The following CLVS1 variants were observed in gnomAD, a reference collection of about 807,000 sequenced individuals.
CLVS1 encodes clavesin-1.
In CLVS1, 10 loss-of-function variants were observed where a neutral mutation model predicts 33.1. The ratio of observed to expected loss-of-function variants is 0.30; its 90% CI spans 0.19 to 0.51. The LOEUF (loss-of-function observed/expected upper bound fraction) is 0.51. Among genes scored for constraint, CLVS1 ranks in the 20% least tolerant of loss-of-function variants. CLVS1 has a pLI of 0.97. For synonymous variants in CLVS1, 163 were observed against 166.1 expected, an observed-to-expected ratio of 0.98 and a Z score of 0.14; for missense variants, 343 against 433.4, an observed-to-expected ratio of 0.79 and a Z score of 1.85.
the CLVS1 span, among the ~76,000 whole-genome samples, chr8:60,990,474 G>C: frequency 6.6e-6 from 1 of 152,190 alleles, no homozygotes; most frequent in Admixed American, 6.5e-5. Flanking sequence ...CCCCAGGGTG[G>C]ATGGGTGGTG....
chr8:60,982,946 A>G, the CLVS1 span, among the ~76,000 whole-genome samples: 1 of 152,048 alleles, frequency 6.6e-6, no homozygotes, highest in South Asian at 2.1e-4. Flanking sequence ...TCAAAAAACA[A>G]ACAAACCCCC....
chr8:60,966,273 C>A, the CLVS1 span: 1 of 428,648 alleles, frequency 2.3e-6, no homozygotes, highest in Non-Finnish European at 4.6e-6. Context: ...AGTTGGTCAG[C>A]ATGGGTGAGC....
chr8:61,366,426 A>AT (rs1563518784), intron 2 of CLVS1, among the ~76,000 whole-genome samples: 1 of 152,148 alleles, frequency 6.6e-6, no homozygotes, highest in Admixed American at 6.6e-5. Flanking sequence ...CCTCTCCTAA[A>AT]CCAGAATCAA....
At chr8:61,323,839 T>G (rs1811282934) in intron 2 of CLVS1, among the ~76,000 whole-genome samples, 1 of 152,156 alleles carries the variant, frequency 6.6e-6, no homozygotes, top group Non-Finnish European at 1.5e-5. Flanking sequence ...CCCTAGTGTG[T>G]GTTTTTCCCT....
At chr8:61,278,882 G>A (rs1001073303) in intron 2 of CLVS1, among the ~76,000 whole-genome samples, 11 of 152,292 alleles carry the variant, frequency 7.2e-5, no homozygotes, top group South Asian at 6.2e-4. Flanking sequence ...CCTCTGGGCC[G>A]AGCTGGTGGT....
At chr8:61,083,284 A>G (rs758597873) in intron 1 of CLVS1, among the ~76,000 whole-genome samples, 1 of 152,096 alleles carries the variant, frequency 6.6e-6, no homozygotes, top group African/African-American at 2.4e-5. Context: ...CACTTTCTCT[A>G]CTTTTAGGCT....
intron 3 of CLVS1, chr8:61,377,802 A>T (rs886083163): frequency 2.6e-5 from 4 of 152,222 alleles, no homozygotes; most frequent in Non-Finnish European, 5.9e-5. Context: ...ATTGAAATGT[A>T]TCCTATTTCC....
Position 61,362,095 on chromosome 8 carries a change from G to A in CLVS1, c.456-14510G>A, listed in dbSNP as rs193245942. 1.0e-3 allele frequency among the ~76,000 whole-genome samples: 153 copies of A among 152,278 alleles called. 2 individuals are homozygous for A. The highest frequency in any genetic ancestry group is 9.7e-4 in the East Asian group (5 of 5,180). The stretch of plus-strand genomic sequence containing the variant: ...TTAGCAGAGTTCTTTGCTAAAACTG[G>A]GCTTTGAAGGCTGAGAACACGGGCC... On this transcript the variant is annotated intron_variant, in intron 2 of 5. Coordinates refer to ENST00000325897, the MANE Select transcript of CLVS1 (RefSeq NM_173519.3).
intron 1 of CLVS1, among the ~76,000 whole-genome samples, chr8:61,061,538 A>G (rs1804583512): frequency 6.6e-6 from 1 of 151,952 alleles, no homozygotes; most frequent in East Asian, 1.9e-4. Context: ...AGAAAATGTG[A>G]CAACAGGTAA....
chr8:61,088,487 CAAAAAA>C (rs59394782), intron 1 of CLVS1, among the ~76,000 whole-genome samples: 6,041 of 105,322 alleles, frequency 0.057, 470 homozygotes, highest in African/African-American at 0.18. Flanking sequence ...GAGACTGTCT[CAAAAAA>C]AAAAAAAAAA....
At chr8:60,999,070 CAG>C in the CLVS1 span, among the ~76,000 whole-genome samples, 3 of 152,228 alleles carry the variant, frequency 2.0e-5, no homozygotes, top group African/African-American at 7.2e-5. Context: ...ATCGAGGCGA[CAG>C]AGGATGGAGT....
chr8:61,419,697 A>G (rs1815581152), intron 3 of CLVS1, among the ~76,000 whole-genome samples: 1 of 152,220 alleles, frequency 6.6e-6, no homozygotes, highest in Non-Finnish European at 1.5e-5. Flanking sequence ...AGCTGACTCT[A>G]GGAGCTGAAT....
chr8:61,019,222 G>A, the CLVS1 span, among the ~76,000 whole-genome samples: 1 of 152,204 alleles, frequency 6.6e-6, no homozygotes, highest in Non-Finnish European at 1.5e-5. Context: ...TTCTCCCATC[G>A]TAAAGATTCA....
chr8:61,348,474 G>A (rs1396379345), intron 2 of CLVS1, among the ~76,000 whole-genome samples: 1 of 151,998 alleles, frequency 6.6e-6, no homozygotes, highest in African/African-American at 2.4e-5. Flanking sequence ...AGAACTTAAA[G>A]TATAATAAAA....
chr8:61,452,764 A>G (rs1585994787), intron 3 of CLVS1, among the ~76,000 whole-genome samples: 1 of 152,252 alleles, frequency 6.6e-6, no homozygotes, highest in Non-Finnish European at 1.5e-5. Flanking sequence ...TTTTACTGAT[A>G]TTGTCCAGTT....
chr8:61,269,039 A>G (rs1478609443), intron 2 of CLVS1, among the ~76,000 whole-genome samples: 13 of 145,610 alleles, frequency 8.9e-5, no homozygotes, highest in African/African-American at 1.3e-4. Context: ...CCATTTGTCA[A>G]TTTTGTCTTT....
the CLVS1 span, among the ~76,000 whole-genome samples, chr8:60,997,789 C>A: frequency 1.3e-5 from 2 of 152,248 alleles, no homozygotes; most frequent in Non-Finnish European, 2.9e-5. Context: ...TGCAGTGCAG[C>A]TCTCTCTTGA....
At chr8:61,158,266 C>A (rs1001257896) in intron 2 of CLVS1, among the ~76,000 whole-genome samples, 10 of 152,142 alleles carry the variant, frequency 6.6e-5, no homozygotes, top group African/African-American at 1.9e-4. Flanking sequence ...CGAAATGGGG[C>A]AAAACAATGT....
At chr8:60,984,931 G>C in the CLVS1 span, among the ~76,000 whole-genome samples, 2 of 152,140 alleles carry the variant, frequency 1.3e-5, no homozygotes, top group African/African-American at 4.8e-5. Context: ...CCTCTGGAAT[G>C]AATCAGTGGT....
Sources: gnomAD v4.1 joint callset for allele counts (sites outside exome capture counted in the v4.1 genomes callset) on GRCh38, gnomAD v4.1.1 for gene constraint, MANE v1.5 for transcripts, NCBI Gene and HGNC (gene_info 2026-07-23, HGNC 2026-07-21) for gene names.